Variants in SCN11A observed in about 807,000 individuals in gnomAD.
SCN11A encodes sodium channel protein type 11 subunit alpha.
In SCN11A, 122 loss-of-function variants were observed where a neutral mutation model predicts 162.2. The observed-to-expected ratio is 0.75, with a 90% CI of 0.65 to 0.87. The LOEUF (loss-of-function observed/expected upper bound fraction) is 0.87, where lower values mean the gene tolerates loss of function less well. Among genes scored for constraint, SCN11A ranks in the 40% least tolerant of loss-of-function variants. The pLI is 0.00. For missense variants in SCN11A, 2,015 were observed against 2,181.6 expected, an observed-to-expected ratio of 0.92 and a Z score of 1.52; for synonymous variants, 758 against 751.5, an observed-to-expected ratio of 1.01 and a Z score of -0.14.
At chr3:38,934,521 G>A (rs1231610269) in intron 7 of SCN11A, among the ~76,000 whole-genome samples, 5 of 152,096 alleles carry the variant, frequency 3.3e-5, no homozygotes, top group Admixed American at 1.3e-4. Flanking sequence ...CAAAATAAAA[G>A]GATGGAGGAA....
At chr3:39,005,212 C>CCAGGCCTGGTTT (rs910825901) in intron 2 of SCN11A, among the ~76,000 whole-genome samples, 2 of 152,150 alleles carry the variant, frequency 1.3e-5, no homozygotes, top group African/African-American at 4.8e-5. Context: ...CCAGGCAGGC[C>CCAGGCCTGGTTT]CAGGCCTGGT....
chr3:38,863,236 A>T lies in SCN11A; in HGVS notation c.4015T>A (p.Leu1339Ile). Residue 1339 changes from leucine (L) to isoleucine (I), a missense_variant, in exon 28 of 30, where the codon TTA (leucine) becomes ATA (isoleucine). Physicochemically the swap from Leu to Ile is conservative, Grantham distance 5. Coordinates refer to ENST00000302328, the MANE Select transcript of SCN11A (RefSeq NM_001349253.2). ...GGTTTTTGAGGTTTTTTGGATCCTA[A>T]TTTTTTCATTGCATTATAGTATTTC... The part of the protein sequence containing the change: ...QKKYYNAMKK[L>I]GSKKPQKPIP... 24 of 1,608,578 alleles carry T rather than the reference A, an allele frequency of 1.5e-5. No individual in the cohort carries two copies. Among genetic ancestry groups the T allele is most frequent in the Non-Finnish European group, 1.6e-5 (19 of 1,175,412 alleles).
In SCN11A at chr3:38,894,514, T is replaced by G; in HGVS notation, c.2835+19A>C. ...TCCAGCTTTGTATGACCTTTAAGTC[T>G]ATGTGTGAACCTTCATACCTGTTGT... is the stretch of plus-strand genomic sequence containing the variant. On this transcript the variant is annotated intron_variant, in intron 19 of 29. Coordinates refer to ENST00000302328, the MANE Select transcript of SCN11A (RefSeq NM_001349253.2). 3 of 1,570,956 alleles carry G rather than the reference T, an allele frequency of 1.9e-6. No individual in the cohort carries two copies. Among genetic ancestry groups the G allele is most frequent in the Non-Finnish European group, 2.6e-6 (3 of 1,157,528 alleles).
At chr3:39,012,879 G>A (rs1024367821) in intron 2 of SCN11A, among the ~76,000 whole-genome samples, 1 of 152,224 alleles carries the variant, frequency 6.6e-6, no homozygotes, top group African/African-American at 2.4e-5. Flanking sequence ...TTCTCTTCCT[G>A]ATCTCTATGT....
At chr3:38,968,739 C>T (rs1240541725) in intron 2 of SCN11A, among the ~76,000 whole-genome samples, 1 of 152,200 alleles carries the variant, frequency 6.6e-6, no homozygotes, top group Non-Finnish European at 1.5e-5. Context: ...TGAAGCCTAC[C>T]TTGTTCTGCC....
intron 23 of SCN11A, 115 bp from the exon 24 acceptor site, chr3:38,872,409 C>T (rs1319016635): frequency 4.8e-6 from 3 of 625,826 alleles, no homozygotes; most frequent in African/African-American, 3.7e-5. Flanking sequence ...AATGCACTCA[C>T]GTTATTTGTT....
At chr3:38,879,009 C>T (rs570060884) in intron 23 of SCN11A, among the ~76,000 whole-genome samples, 2 of 152,210 alleles carry the variant, frequency 1.3e-5, no homozygotes, top group East Asian at 1.9e-4. Flanking sequence ...AAAGGTATTA[C>T]ATAATCACAT....
In SCN11A at chr3:38,945,489, C is replaced by A. The variant is rs2066503006; in HGVS notation, c.410G>T (p.Gly137Val). ...VHSLFSMFII[G>V]TVIINCVFMA... ...GAACACGCAGTTGATGATAACGGTG[C>A]CGATAATGAACATGCTGAACAATGT... is the stretch of plus-strand genomic sequence containing the variant. Residue 137 changes from glycine to valine, a missense_variant, in exon 7 of 30, where the codon GGC (glycine) becomes GTC (valine). By Grantham distance (109) the Gly-to-Val change is moderately radical (BLOSUM62 -3). Transcript: ENST00000302328. 2 of 1,584,818 alleles carry A rather than the reference C, an allele frequency of 1.3e-6. No individual in the cohort carries two copies. The highest frequency in any genetic ancestry group is 1.7e-5 in the Admixed American group (1 of 57,978).
chr3:38,998,766 A>T (rs913018878), intron 2 of SCN11A, among the ~76,000 whole-genome samples: 10 of 152,064 alleles, frequency 6.6e-5, no homozygotes, highest in Non-Finnish European at 5.9e-5. Flanking sequence ...AGGGACATGG[A>T]TGAAGCTGGA....
chr3:38,888,960 T>C (rs1052335628), intron 19 of SCN11A, among the ~76,000 whole-genome samples: 71 of 152,012 alleles, frequency 4.7e-4, no homozygotes, highest in African/African-American at 1.7e-3. Context: ...AACTTATCCA[T>C]GTAACCAAAA....
intron 2 of SCN11A, among the ~76,000 whole-genome samples, chr3:38,975,668 AGAAAAG>A (rs1318852692): frequency 6.6e-6 from 1 of 152,232 alleles, no homozygotes; most frequent in Non-Finnish European, 1.5e-5. Context: ...AATTTTAGTA[AGAAAAG>A]GAAAAGAAGT....
At chr3:38,932,582 C>T (rs891936766) in intron 7 of SCN11A, among the ~76,000 whole-genome samples, 5 of 152,232 alleles carry the variant, frequency 3.3e-5, no homozygotes, top group African/African-American at 1.2e-4. Flanking sequence ...CCGCACCTGG[C>T]TCGGAGGGTC....
chr3:38,945,366 T>C (rs780057405), intron 7 of SCN11A, 45 bp downstream of exon 7: 22 of 1,282,736 alleles, frequency 1.7e-5, no homozygotes, highest in Non-Finnish European at 2.3e-5. Flanking sequence ...CTTAGGTATA[T>C]TTGTTTAAAA....
At chr3:38,906,910 T>C (rs1318043886) in intron 14 of SCN11A, among the ~76,000 whole-genome samples, 2 of 152,068 alleles carry the variant, frequency 1.3e-5, no homozygotes, top group Admixed American at 1.3e-4. Flanking sequence ...TCATCACACA[T>C]GTGCATGCAT....
chr3:38,848,810 T>C (rs2064720916), intron 29 of SCN11A, among the ~76,000 whole-genome samples: 2 of 152,188 alleles, frequency 1.3e-5, no homozygotes, highest in African/African-American at 4.8e-5. Flanking sequence ...GAGTAAGCCG[T>C]AATACCTCAA....
intron 3 of SCN11A, among the ~76,000 whole-genome samples, chr3:38,957,109 C>T (rs1406323028): frequency 6.6e-6 from 1 of 151,822 alleles, no homozygotes; most frequent in Non-Finnish European, 1.5e-5. Context: ...TAGAGAGACC[C>T]CCTACAAATA....
intron 4 of SCN11A, 174 bp from the exon 5 acceptor site, chr3:38,950,543 C>T: frequency 1.6e-6 from 1 of 626,872 alleles, no homozygotes; most frequent in South Asian, 2.0e-5. Context: ...AGATGACCAC[C>T]ACTGTGGGTA....
In SCN11A at chr3:38,894,651, G is replaced by T; in HGVS notation, c.2717C>A (p.Thr906Asn). ...AGTCCAATCATGCCTGACGCCCAGG[G>T]TCTTTGGTACAGAGGTTAGTATACC... ...ELGILTSVPK[T>N]LGVRHDWTWL... The change falls in exon 19 of 30, where the codon ACC becomes AAC. Residue 906 changes from threonine to asparagine, a missense_variant. Thr to Asn is a moderately conservative substitution (Grantham distance 65). Transcript: ENST00000302328. 2 of 1,614,102 alleles carry T rather than the reference G, an allele frequency of 1.2e-6. No homozygotes were observed. Among genetic ancestry groups the T allele is most frequent in the South Asian group, 1.1e-5 (1 of 91,080 alleles).
chr3:38,999,830 T>C (rs2030754644), intron 2 of SCN11A, among the ~76,000 whole-genome samples: 1 of 152,170 alleles, frequency 6.6e-6, no homozygotes, highest in South Asian at 2.1e-4. Flanking sequence ...CTTATAATTA[T>C]AGGTACTCCA....
Sources: allele counts gnomAD v4.1 joint callset (sites outside exome capture counted in the v4.1 genomes callset), GRCh38; gene constraint gnomAD v4.1.1; transcripts MANE v1.5; gene names NCBI Gene and HGNC (gene_info 2026-07-23, HGNC 2026-07-21).